Variants in MSH3 observed in about 807,000 individuals in gnomAD.
MSH3 encodes DNA mismatch repair protein Msh3.
In MSH3, 106 loss-of-function variants were observed where a neutral mutation model predicts 123.3. The ratio of observed to expected loss-of-function variants is 0.86; its 90% CI spans 0.73 to 1.01. The LOEUF is 1.01. Ranked by LOEUF, MSH3 falls within the 50% of genes least tolerant of loss-of-function variation. MSH3 has a pLI of 0.00. For synonymous variants in MSH3, 515 were observed against 481.4 expected (o/e 1.07, Z -0.91); for missense variants, 1,459 against 1,347.6 (o/e 1.08, Z -1.29).
At chr5:80,778,669 G>C (rs755012408) in intron 16 of MSH3, 51 bp from the exon 17 acceptor site, 2 of 1,059,182 alleles carry the variant, frequency 1.9e-6, no homozygotes, top group East Asian at 2.4e-5. Flanking sequence ...ATGGCATTTC[G>C]GATTTTTTAC....
chr5:80,813,772 C>G (rs532930427), intron 20 of MSH3, 31 bp downstream of exon 20: 1 of 1,611,898 alleles, frequency 6.2e-7, no homozygotes, highest in South Asian at 1.1e-5. Flanking sequence ...TGCATATATT[C>G]TTGAAAATAA....
At chr5:80,757,693 A>G (rs528728156) in intron 12 of MSH3, among the ~76,000 whole-genome samples, 26 of 152,284 alleles carry the variant, frequency 1.7e-4, no homozygotes, top group Admixed American at 1.5e-3. Context: ...TTGGAATAAT[A>G]TCTTTATCAT....
intron 11 of MSH3, 101 bp downstream of exon 11, chr5:80,741,649 T>A (rs1743616657): frequency 1.3e-5 from 11 of 821,178 alleles, no homozygotes. Flanking sequence ...AAATATAGTG[T>A]CTTTAGCTGA....
intron 22 of MSH3, among the ~76,000 whole-genome samples, chr5:80,871,696 G>T (rs1274040270): frequency 6.6e-6 from 1 of 152,170 alleles, no homozygotes; most frequent in African/African-American, 2.4e-5. Context: ...GCAACAAAAT[G>T]AGAGTACCCA....
At chr5:80,789,974 A>C (rs1226740420) in intron 18 of MSH3, among the ~76,000 whole-genome samples, 1 of 152,212 alleles carries the variant, frequency 6.6e-6, no homozygotes, top group South Asian at 2.1e-4. Context: ...AACATTAGAA[A>C]GTTTAATAAT....
At chr5:80,655,865 A>G (rs1749271366) in intron 1 of MSH3, among the ~76,000 whole-genome samples, 1 of 152,172 alleles carries the variant, frequency 6.6e-6, no homozygotes, top group Admixed American at 6.5e-5. Flanking sequence ...CCCACCATTT[A>G]AAGGGTAGCT....
chr5:80,807,548 A>AT (rs1744913708), intron 19 of MSH3, among the ~76,000 whole-genome samples: 1 of 152,254 alleles, frequency 6.6e-6, no homozygotes, highest in East Asian at 1.9e-4. Flanking sequence ...TCCTACTACC[A>AT]TGCAGCTCAA....
rs1364410984 is a variant in MSH3, at chr5:80,681,751, G to A, written c.1340+2658G>A. 1.1e-4 allele frequency among the ~76,000 whole-genome samples: 17 copies of A among 151,746 alleles called. No individual in the cohort carries two copies. In the South Asian group the frequency reaches 3.3e-3, roughly 30 times the overall value. ...CTTAATTTTATAAAATAACAATGGC[G>A]AAATTCAATAAAATATCAAAATATT... On this transcript the variant is annotated intron_variant, in intron 8 of 23. Coordinates refer to ENST00000265081, the MANE Select transcript of MSH3 (RefSeq NM_002439.5).
intron 20 of MSH3, among the ~76,000 whole-genome samples, chr5:80,838,728 A>G (rs1002264303): frequency 1.3e-4 from 20 of 152,184 alleles, no homozygotes; most frequent in African/African-American, 4.8e-4. Context: ...GGAAGCTACA[A>G]CCACATAGAA....
At chr5:80,720,562 T>G (rs1220269184) in intron 8 of MSH3, among the ~76,000 whole-genome samples, 2 of 152,172 alleles carry the variant, frequency 1.3e-5, no homozygotes, top group African/African-American at 4.8e-5. Flanking sequence ...GTTTTCCTTT[T>G]GTCTCTAATT....
At chr5:80,785,776 T>C (rs1324098561) in intron 17 of MSH3, among the ~76,000 whole-genome samples, 1 of 151,982 alleles carries the variant, frequency 6.6e-6, no homozygotes, top group Non-Finnish European at 1.5e-5. Flanking sequence ...ATTAAGAAAA[T>C]GTGGCACATA....
chr5:80,831,246 A>G (rs1365385183), intron 20 of MSH3, among the ~76,000 whole-genome samples: 1 of 152,230 alleles, frequency 6.6e-6, no homozygotes, highest in Non-Finnish European at 1.5e-5. Flanking sequence ...TCTTAAATGT[A>G]TCATTTGTGA....
In MSH3 at chr5:80,787,658, AG is replaced by A. The variant is rs761964450; in HGVS notation, c.2531del (p.Gly844GlufsTer15). Reference sequence around the variant, plus strand: ...TCTCCCTGGCCAAGGTCGCTAAGCAAGGAGATTACTGCAGGTAAGATATTTT... The same window carrying A: ...TCTCCCTGGCCAAGGTCGCTAAGCAAGAGATTACTGCAGGTAAGATATTTT... Reference protein sequence around the residue: ...IFSLAKVAKQGDYCRPTVQEE... With the variant: ...IFSLAKVAKQXDYCRPTVQEE... On this transcript the variant is annotated frameshift_variant, in exon 18 of 24. Coordinates refer to ENST00000265081, the MANE Select transcript of MSH3 (RefSeq NM_002439.5). LOFTEE classifies it high-confidence loss of function. 6.2e-7 allele frequency: 1 copy of A among 1,612,270 alleles called. No homozygotes were observed. Among genetic ancestry groups the A allele is most frequent in the South Asian group, 1.1e-5 (1 of 91,048 alleles).
chr5:80,817,473 A>T (rs1323784338), intron 20 of MSH3, among the ~76,000 whole-genome samples: 1 of 152,138 alleles, frequency 6.6e-6, no homozygotes, highest in Non-Finnish European at 1.5e-5. Context: ...CCAGTGAGGG[A>T]CTTGTTTTTT....
Position 80,873,238 on chromosome 5 carries a change from A to G in MSH3, c.3253A>G (p.Lys1085Glu), listed in dbSNP as rs1580104425. The change falls in exon 23 of 24, where the codon AAA (lysine) becomes GAA (glutamate). Residue 1085 changes from lysine (K) to glutamate (E), a missense_variant. Transcript: ENST00000265081. ...AGATGTTCCTGGAGAAATTTTGAAG[A>G]AAGCAGCTCACAAGTCAAAAGAGCT... Reference protein sequence around the residue: ...LADVPGEILKKAAHKSKELEG... With the variant: ...LADVPGEILKEAAHKSKELEG... 1 of 1,614,026 alleles carries G rather than the reference A, an allele frequency of 6.2e-7. No individual in the cohort carries two copies. The highest frequency in any genetic ancestry group is 8.5e-7 in the Non-Finnish European group (1 of 1,179,950).
intron 19 of MSH3, among the ~76,000 whole-genome samples, chr5:80,802,895 G>A (rs1469528061): frequency 6.6e-6 from 1 of 152,118 alleles, no homozygotes; most frequent in African/African-American, 2.4e-5. Flanking sequence ...TGTTGCAAAT[G>A]ACAGGATCTT....
At chr5:80,672,634 G>T in intron 5 of MSH3, 107 bp from the exon 6 acceptor site, 1 of 937,220 alleles carries the variant, frequency 1.1e-6, no homozygotes, top group Non-Finnish European at 1.7e-6. Flanking sequence ...GAACGTTGTG[G>T]ACTGATTATT....
intron 16 of MSH3, among the ~76,000 whole-genome samples, chr5:80,777,092 C>T (rs889202340): frequency 2.0e-5 from 3 of 151,618 alleles, no homozygotes; most frequent in Non-Finnish European, 4.4e-5. Context: ...CCACCACAGA[C>T]GGCTTTTTTT....
At position 80,864,878 on chromosome 5, in the gene MSH3, A is replaced by G. The variant is rs747903143; in HGVS notation, c.3066A>G (p.Ser1022=). ...PPVCELEKNY[S]HQVGNYHMGF... is the part of the protein sequence containing the mutation. Reference sequence around the variant, plus strand: ...TTTGTGAACTAGAAAAAAATTACTCACACCAGGTGGGGAATTACCACATGG... The same window carrying G: ...TTTGTGAACTAGAAAAAAATTACTCGCACCAGGTGGGGAATTACCACATGG... Residue 1022 remains serine (S), a synonymous_variant, in exon 22 of 24, where the codon TCA becomes TCG. Coordinates refer to ENST00000265081, the MANE Select transcript of MSH3 (RefSeq NM_002439.5). The G allele has an allele frequency of 6.2e-7, 1 of 1,613,554 alleles. No homozygotes were observed. Among genetic ancestry groups the G allele is most frequent in the Non-Finnish European group, 8.5e-7 (1 of 1,179,632 alleles).
Sources: gnomAD v4.1 joint callset for allele counts (sites outside exome capture counted in the v4.1 genomes callset) on GRCh38, gnomAD v4.1.1 for gene constraint, MANE v1.5 for transcripts, NCBI Gene and HGNC (gene_info 2026-07-23, HGNC 2026-07-21) for gene names.